The following PDXDC1 variants were observed in gnomAD, a reference collection of about 807,000 sequenced individuals.
PDXDC1 encodes pyridoxal-dependent decarboxylase domain-containing protein 1.
In PDXDC1, 42 loss-of-function variants were observed where a neutral mutation model predicts 100.1. The observed-to-expected ratio is 0.42, with a 90% CI of 0.33 to 0.54. The LOEUF (loss-of-function observed/expected upper bound fraction) is 0.54, where lower values mean the gene tolerates loss of function less well. PDXDC1 is among the 20% of genes least tolerant of loss of function. The pLI, the probability that PDXDC1 is intolerant of heterozygous loss-of-function variation, is 0.10. For missense variants in PDXDC1, 636 were observed against 979.2 expected (o/e 0.65, Z 4.68); for synonymous variants, 260 against 371.7 (o/e 0.70, Z 3.46).
At chr16:14,980,647 G>A (rs1402883952) in intron 1 of PDXDC1, among the ~76,000 whole-genome samples, 1 of 152,272 alleles carries the variant, frequency 6.6e-6, no homozygotes, top group Non-Finnish European at 1.5e-5. Flanking sequence ...CTAATTTTTT[G>A]TATTTTTAGT....
At chr16:14,991,685 A>G (rs1304343668) in intron 1 of PDXDC1, among the ~76,000 whole-genome samples, 1 of 152,202 alleles carries the variant, frequency 6.6e-6, no homozygotes, top group East Asian at 1.9e-4. Context: ...TGCCCGGCTT[A>G]CTTTTTTTGT....
At chr16:15,011,883 C>G (rs190515532) in intron 8 of PDXDC1, among the ~76,000 whole-genome samples, 6 of 152,330 alleles carry the variant, frequency 3.9e-5, no homozygotes, top group African/African-American at 1.2e-4. Flanking sequence ...AGGCTGGTCT[C>G]AAACTCCTGA....
Position 15,008,097 on chromosome 16 carries a change from G to A in PDXDC1, c.580-682G>A, listed in dbSNP as rs553218010. On this transcript the variant is annotated intron_variant, in intron 6 of 22. Transcript: ENST00000396410. ...TTTTTTGAGGATTTGTTTTACTTGG[G>A]TGTCACATTCATAATTTTTAATCCT... 1.7e-4 allele frequency among the ~76,000 whole-genome samples: 26 copies of A among 152,372 alleles called. No individual in the cohort carries two copies. The South Asian group carries it at 3.7e-3, about 22-fold the overall frequency.
chr16:15,136,127 G>T, intron 16 of PDXDC1: 1 of 1,511,420 alleles, frequency 6.6e-7, no homozygotes, highest in South Asian at 1.1e-5. Context: ...CACACGTCTA[G>T]GCTCCTGGGG....
chr16:15,038,577 T>C, downstream of PDXDC1: 1 of 1,518,974 alleles, frequency 6.6e-7, no homozygotes, highest in Non-Finnish European at 9.1e-7. Flanking sequence ...CTCTCACCTC[T>C]AGTATTTGCT....
At chr16:15,004,006 T>C (rs917871022) in intron 4 of PDXDC1, among the ~76,000 whole-genome samples, 181 bp from the exon 5 acceptor site, 33 of 152,262 alleles carry the variant, frequency 2.2e-4, no homozygotes, top group African/African-American at 7.5e-4. Flanking sequence ...TATATTTTTT[T>C]CTCCATCTCA....
chr16:15,006,968 G>A (rs1055347510), intron 6 of PDXDC1, among the ~76,000 whole-genome samples: 14 of 152,258 alleles, frequency 9.2e-5, no homozygotes, highest in Admixed American at 9.2e-4. Context: ...GTAATTAACT[G>A]TTGCCCTTTT....
chr16:15,019,823 A>G (rs1163302633), intron 12 of PDXDC1, among the ~76,000 whole-genome samples: 4 of 152,282 alleles, frequency 2.6e-5, no homozygotes, highest in African/African-American at 7.2e-5. Context: ...TTAGAAAGCA[A>G]AAAAACAGGC....
At position 15,055,984 on chromosome 16, in the gene PDXDC1, CGCCCAGGCAG is replaced by C. The variant is rs1412875965; in HGVS notation, c.1399+25936_1399+25945del. 144 of 1,214,372 alleles carry C rather than the reference CGCCCAGGCAG, an allele frequency of 1.2e-4. 2 individuals are homozygous for C. The East Asian group carries it at 4.5e-3, about 38-fold the overall frequency. The allele number at this position is 1,214,372 out of a possible 1,614,324, so 75.2% of individuals were successfully genotyped here. ...CGAGCAGCGGCATCGCGGAGGCGGC[CGCCCAGGCAG>C]GCCCAGGGAGGCGGCGGCCCCCCGC... On this transcript the variant is annotated intron_variant, in intron 16 of 16. Coordinates refer to the PDXDC1 transcript ENST00000535621.
intron 16 of PDXDC1, among the ~76,000 whole-genome samples, chr16:15,132,011 GGGATAAGGGGATAAGGGAGGGGAAGGA>G (rs1382176526): frequency 7.4e-4 from 7 of 9,418 alleles, no homozygotes; most frequent in East Asian, 2.1e-3. Context: ...GAGGGGAAGG[GGGATAAGGGGATAAGGGAGGGGAAGGA>G]GGATAAGGGG....
chr16:15,117,603 G>T (rs1168962193), intron 16 of PDXDC1, among the ~76,000 whole-genome samples: 3 of 148,414 alleles, frequency 2.0e-5, no homozygotes, highest in African/African-American at 7.5e-5. Context: ...TGAGGCAGGG[G>T]AATCACTTGA....
chr16:15,091,273 G>A, intron 16 of PDXDC1: 1 of 1,604,802 alleles, frequency 6.2e-7, no homozygotes, highest in Non-Finnish European at 8.5e-7. Flanking sequence ...TCTGTATACA[G>A]TGGCAATAAT....
At chr16:15,047,315 T>C (rs865947142) in intron 16 of PDXDC1, 2 of 695,060 alleles carry the variant, frequency 2.9e-6, no homozygotes, top group Non-Finnish European at 5.2e-6. Context: ...CCAGGTTCTG[T>C]TCCAGGGGAA....
chr16:15,135,962 G>C, intron 16 of PDXDC1: 1 of 1,575,682 alleles, frequency 6.3e-7, no homozygotes, highest in Non-Finnish European at 8.6e-7. Context: ...CACACGCGCC[G>C]GGCACCCCGG....
At chr16:15,031,707 AT>A in intron 16 of PDXDC1, 27 bp from the exon 17 acceptor site, 1 of 1,592,526 alleles carries the variant, frequency 6.3e-7, no homozygotes, top group Non-Finnish European at 8.6e-7. Context: ...TCTCGTGAGC[AT>A]TTCTCTGACA....
chr16:15,128,006 T>A (rs1050881452), intron 16 of PDXDC1: 41 of 1,595,862 alleles, frequency 2.6e-5, no homozygotes, highest in Non-Finnish European at 3.4e-5. Context: ...GGCCAGCACC[T>A]CCTTCTCCAC....
chr16:15,146,407 G>C, the PDXDC1 span, among the ~76,000 whole-genome samples: 2 of 152,148 alleles, frequency 1.3e-5, no homozygotes, highest in East Asian at 3.9e-4. Context: ...AGTGCCACTC[G>C]CCAGCTTACG....
intron 16 of PDXDC1, among the ~76,000 whole-genome samples, chr16:15,101,242 G>C (rs2046536028): frequency 1.3e-5 from 2 of 152,174 alleles, no homozygotes; most frequent in Admixed American, 1.3e-4. Flanking sequence ...AAATATACTA[G>C]GATACTTGAT....
chr16:15,009,036 A>C (rs570353770), intron 7 of PDXDC1, among the ~76,000 whole-genome samples, 189 bp downstream of exon 7: 2 of 152,380 alleles, frequency 1.3e-5, no homozygotes, highest in South Asian at 4.1e-4. Context: ...TATATAGGTC[A>C]GGAGCACCTG....
Sources: allele counts gnomAD v4.1 joint callset (sites outside exome capture counted in the v4.1 genomes callset), GRCh38; gene constraint gnomAD v4.1.1; transcripts MANE v1.5; gene names NCBI Gene and HGNC (gene_info 2026-07-23, HGNC 2026-07-21).